CACNA2D3: variants seen among roughly 807,000 people sequenced by gnomAD.
The protein encoded by CACNA2D3 is voltage-dependent calcium channel subunit alpha-2/delta-3.
A neutral mutation model predicts 160.6 loss-of-function variants in CACNA2D3; 60 were observed. The observed-to-expected ratio is 0.37, with a 90% CI of 0.30 to 0.46. CACNA2D3 has a LOEUF of 0.46. Among genes scored for constraint, CACNA2D3 ranks in the 20% least tolerant of loss-of-function variants. The pLI is 1.00. For missense variants in CACNA2D3, 1,205 were observed against 1,365.0 expected, an observed-to-expected ratio of 0.88 and a Z score of 1.85; for synonymous variants, 558 against 492.9, an observed-to-expected ratio of 1.13 and a Z score of -1.75.
chr3:54,848,974 C>G (rs1424311544), intron 17 of CACNA2D3, among the ~76,000 whole-genome samples: 2 of 152,198 alleles, frequency 1.3e-5, no homozygotes, highest in Admixed American at 1.3e-4. Context: ...TTCTATTGTT[C>G]TGTCCTCAGC....
intron 10 of CACNA2D3, among the ~76,000 whole-genome samples, chr3:54,636,471 G>T (rs1699373884): frequency 6.6e-6 from 1 of 151,960 alleles, no homozygotes. Context: ...CAGGTATGAG[G>T]AAGAAAATAG....
Position 55,021,715 on chromosome 3 carries a change from GTATA to G in CACNA2D3, c.2987+3411_2987+3414del, listed in dbSNP as rs369889600. Among the ~76,000 whole-genome samples, 6 of 141,412 alleles carry G rather than the reference GTATA, an allele frequency of 4.2e-5. 1 individual carries two copies. The highest frequency in any genetic ancestry group is 4.4e-4 in the South Asian group (2 of 4,536). The allele number at this position is 141,412 out of a possible 152,430, so 92.8% of individuals were successfully genotyped here. On this transcript the variant is annotated intron_variant, in intron 35 of 37. Transcript: ENST00000474759. Reference sequence around the variant, plus strand: ...TATGTGTGTATATATATATGTGTGTGTATATATATATATATAGCCTTCATTCTTA... The same window carrying G: ...TATGTGTGTATATATATATGTGTGTGTATATATATATAGCCTTCATTCTTA...
intron 4 of CACNA2D3, among the ~76,000 whole-genome samples, chr3:54,423,368 C>T (rs1699866398): frequency 6.6e-6 from 1 of 152,094 alleles, no homozygotes; most frequent in Admixed American, 6.6e-5. Flanking sequence ...AGCTTGCAAC[C>T]TGGCATTTTT....
rs1416775981 is a variant in CACNA2D3 at position 55,049,314 on chromosome 3, G to A, written c.2988-24131G>A. ...TCTGGTATGTCGTGTCTTTGTTCTC[G>A]TTGGTTTCAAAGAACATCTTTATTT... is the stretch of plus-strand genomic sequence containing the variant. On this transcript the variant is annotated intron_variant, in intron 35 of 37. Transcript: ENST00000474759. Among the ~76,000 whole-genome samples, 49 of 145,596 alleles carry A rather than the reference G, an allele frequency of 3.4e-4. 1 individual carries two copies. Among genetic ancestry groups the A allele is most frequent in the South Asian group, 1.6e-3 (7 of 4,402 alleles).
chr3:54,468,297 T>C (rs936799990), intron 4 of CACNA2D3, among the ~76,000 whole-genome samples: 2 of 152,060 alleles, frequency 1.3e-5, no homozygotes, highest in African/African-American at 4.8e-5. Context: ...TGAAGCAGAG[T>C]AGGGCTTTGC....
intron 6 of CACNA2D3, among the ~76,000 whole-genome samples, chr3:54,567,046 A>T (rs1702419941): frequency 6.6e-6 from 1 of 152,214 alleles, no homozygotes; most frequent in South Asian, 2.1e-4. Context: ...GGACTGCCCT[A>T]ATAAAGATGA....
At chr3:54,764,723 T>C (rs1303500650) in intron 13 of CACNA2D3, among the ~76,000 whole-genome samples, 2 of 152,198 alleles carry the variant, frequency 1.3e-5, no homozygotes, top group Admixed American at 1.3e-4. Flanking sequence ...TGAATCTTTG[T>C]GTCTCAATTG....
intron 2 of CACNA2D3, among the ~76,000 whole-genome samples, chr3:54,204,659 G>C (rs1701238892): frequency 1.3e-5 from 2 of 152,020 alleles, no homozygotes; most frequent in African/African-American, 4.8e-5. Context: ...AGCTGGATGT[G>C]GTGGCACATG....
chr3:54,981,468 T>A (rs2107096447), intron 29 of CACNA2D3, among the ~76,000 whole-genome samples: 1 of 152,162 alleles, frequency 6.6e-6, no homozygotes, highest in Admixed American at 6.5e-5. Context: ...AACAGTGATT[T>A]TTACCATTCA....
At chr3:54,475,692 G>A (rs1426206840) in intron 4 of CACNA2D3, among the ~76,000 whole-genome samples, 1 of 152,174 alleles carries the variant, frequency 6.6e-6, no homozygotes, top group East Asian at 1.9e-4. Context: ...CAGCTTTATT[G>A]AGACATAATT....
intron 25 of CACNA2D3, among the ~76,000 whole-genome samples, chr3:54,894,177 C>G (rs1168335718): frequency 6.6e-6 from 1 of 152,202 alleles, no homozygotes; most frequent in African/African-American, 2.4e-5. Context: ...AGGAGACTTT[C>G]ACCTTACCCA....
chr3:54,879,324 C>T (rs375951281), intron 19 of CACNA2D3, 26 bp from the exon 20 acceptor site: 40 of 1,484,714 alleles, frequency 2.7e-5, no homozygotes, highest in South Asian at 2.4e-5. Flanking sequence ...CTTTTCTCTA[C>T]GACTTTTTTT....
At chr3:54,726,561 C>G (rs1217820433) in intron 11 of CACNA2D3, among the ~76,000 whole-genome samples, 1 of 152,166 alleles carries the variant, frequency 6.6e-6, no homozygotes, top group Admixed American at 6.5e-5. Flanking sequence ...GGTACCAAAA[C>G]AGAGATATAG....
At chr3:54,913,503 C>A (rs990608728) in intron 27 of CACNA2D3, among the ~76,000 whole-genome samples, 1 of 152,158 alleles carries the variant, frequency 6.6e-6, no homozygotes, top group African/African-American at 2.4e-5. Flanking sequence ...GACTGAGTTT[C>A]TTCCCCTCTC....
intron 2 of CACNA2D3, among the ~76,000 whole-genome samples, chr3:54,139,366 C>G (rs1699877339): frequency 1.3e-5 from 2 of 152,260 alleles, no homozygotes; most frequent in South Asian, 4.1e-4. Flanking sequence ...TCAGCAGACT[C>G]ACGCCTGCCC....
intron 35 of CACNA2D3, among the ~76,000 whole-genome samples, chr3:55,071,070 G>A (rs1704792860): frequency 6.6e-6 from 1 of 151,962 alleles, no homozygotes. Context: ...ATTTTATCTT[G>A]TTAGTGGATT....
chr3:54,969,653 G>A lies in CACNA2D3; in HGVS notation c.2512-147G>A, dbSNP rs1020138362. 34 of 626,850 alleles carry A rather than the reference G, an allele frequency of 5.4e-5. No homozygotes were observed. In the African/African-American group the frequency reaches 6.1e-4, roughly 11 times the overall value. 38.8% of individuals were successfully genotyped at this position (626,850 alleles called of 1,614,324 possible). ...GATAGTAGACAAGACACATCATGGA[G>A]CATTCCTTTTCAATGAAATTGGGTA... On this transcript the variant is annotated intron_variant, in intron 28 of 37. Coordinates refer to ENST00000474759, the MANE Select transcript of CACNA2D3 (RefSeq NM_018398.3).
At chr3:54,805,309 A>G (rs1378144639) in intron 13 of CACNA2D3, among the ~76,000 whole-genome samples, 1 of 152,182 alleles carries the variant, frequency 6.6e-6, no homozygotes, top group Non-Finnish European at 1.5e-5. Flanking sequence ...CACTAGCAAG[A>G]CTAATAAAGA....
In CACNA2D3 at chr3:54,609,508, C is replaced by G. The variant is rs1011672368; in HGVS notation, c.964-18279C>G. On this transcript the variant is annotated intron_variant, in intron 9 of 37. Transcript: ENST00000474759. Reference sequence around the variant, plus strand: ...ATCTAACCATGTTTCTTAGAAAGAGCAAGTTCATAGCATGCTTCTCCTTTT... The same window carrying G: ...ATCTAACCATGTTTCTTAGAAAGAGGAAGTTCATAGCATGCTTCTCCTTTT... Among the ~76,000 whole-genome samples, 4 of 152,154 alleles carry G rather than the reference C, an allele frequency of 2.6e-5. No individual in the cohort carries two copies. The East Asian group carries it at 5.8e-4, about 22-fold the overall frequency.
Sources: gnomAD v4.1 joint callset for allele counts (sites outside exome capture counted in the v4.1 genomes callset) on GRCh38, gnomAD v4.1.1 for gene constraint, MANE v1.5 for transcripts, NCBI Gene and HGNC (gene_info 2026-07-23, HGNC 2026-07-21) for gene names.